SAMD3: variants seen among roughly 807,000 people sequenced by gnomAD.
SAMD3 encodes the protein sterile alpha motif domain-containing protein 3.
SAMD3 carries 63 observed loss-of-function variants against 58.5 expected under a neutral mutation model. The ratio of observed to expected loss-of-function variants is 1.08; its 90% CI spans 0.88 to 1.33. The LOEUF is 1.33. Among genes scored for constraint, SAMD3 ranks in the 40% most tolerant of loss-of-function variants. The pLI is 0.00. For synonymous variants in SAMD3, 220 were observed against 210.3 expected (o/e 1.05, Z -0.40); for missense variants, 604 against 608.4 (o/e 0.99, Z 0.08).
At chr6:130,197,819 A>C (rs536802550) in intron 5 of SAMD3, among the ~76,000 whole-genome samples, 1 of 152,294 alleles carries the variant, frequency 6.6e-6, no homozygotes, top group South Asian at 2.1e-4. Context: ...GAAGATAGGA[A>C]TATCAGGCCT....
At chr6:130,332,798 TG>T (rs1776974735) in intron 1 of SAMD3, among the ~76,000 whole-genome samples, 1 of 152,060 alleles carries the variant, frequency 6.6e-6, no homozygotes, top group Non-Finnish European at 1.5e-5. Context: ...AGAGGCTGTT[TG>T]TGGTTGTTTT....
chr6:130,285,733 G>A (rs1775133294), intron 2 of SAMD3, among the ~76,000 whole-genome samples: 1 of 152,202 alleles, frequency 6.6e-6, no homozygotes, highest in African/African-American at 2.4e-5. Flanking sequence ...TATGCCCAGT[G>A]ACAATTTTAA....
chr6:130,211,232 T>C (rs1795523217), intron 4 of SAMD3, among the ~76,000 whole-genome samples: 1 of 150,634 alleles, frequency 6.6e-6, no homozygotes, highest in African/African-American at 2.4e-5. Flanking sequence ...ACCCAGACAT[T>C]CCTTTCTATT....
chr6:130,322,727 C>T (rs1776628537), intron 1 of SAMD3, among the ~76,000 whole-genome samples: 1 of 152,234 alleles, frequency 6.6e-6, no homozygotes, highest in Admixed American at 6.5e-5. Context: ...AACAACCATT[C>T]ATGATATCAT....
chr6:130,188,768 T>G (rs1036620388), intron 5 of SAMD3, among the ~76,000 whole-genome samples: 1 of 152,192 alleles, frequency 6.6e-6, no homozygotes, highest in Admixed American at 6.5e-5. Flanking sequence ...ACCCCTTTTC[T>G]TCCTTAACTT....
intron 2 of SAMD3, among the ~76,000 whole-genome samples, chr6:130,298,246 A>C (rs571220686): frequency 1.3e-5 from 2 of 152,318 alleles, no homozygotes; most frequent in South Asian, 4.1e-4. Context: ...TCTTAAAGAA[A>C]AGAAAATGCT....
chr6:130,270,997 G>GA (rs1208334275), intron 2 of SAMD3, among the ~76,000 whole-genome samples: 7 of 57,060 alleles, frequency 1.2e-4, no homozygotes, highest in African/African-American at 6.3e-4. Context: ...TGTTTTTTTT[G>GA]TTTTTTTTTG....
chr6:130,346,725 A>G (rs893665292), intron 1 of SAMD3, among the ~76,000 whole-genome samples: 4 of 152,308 alleles, frequency 2.6e-5, no homozygotes, highest in Admixed American at 2.6e-4. Flanking sequence ...AGCTTTGAAG[A>G]GACTAGTGGT....
chr6:130,156,675 A>G (rs1195231320), intron 8 of SAMD3, among the ~76,000 whole-genome samples: 1 of 152,152 alleles, frequency 6.6e-6, no homozygotes, highest in Non-Finnish European at 1.5e-5. Flanking sequence ...AACGTGGTGT[A>G]TGAACAGTAT....
At chr6:130,340,060 T>C (rs1562530179) in intron 1 of SAMD3, among the ~76,000 whole-genome samples, 1 of 152,232 alleles carries the variant, frequency 6.6e-6, no homozygotes, top group Non-Finnish European at 1.5e-5. Flanking sequence ...TTACTGAGGT[T>C]AGGGACCATG....
intron 2 of SAMD3, among the ~76,000 whole-genome samples, chr6:130,256,699 T>C (rs566361391): frequency 3.9e-5 from 6 of 152,304 alleles, no homozygotes; most frequent in African/African-American, 1.4e-4. Context: ...CTAAGCTCTT[T>C]CTCCAATAAA....
At chr6:130,197,704 G>A (rs1015558879) in intron 5 of SAMD3, among the ~76,000 whole-genome samples, 7 of 152,060 alleles carry the variant, frequency 4.6e-5, no homozygotes, top group Admixed American at 2.0e-4. Context: ...CCCGCTCGAA[G>A]CAGCCCTGAG....
intron 1 of SAMD3, among the ~76,000 whole-genome samples, chr6:130,359,406 G>A (rs1401794103): frequency 6.6e-6 from 1 of 152,156 alleles, no homozygotes; most frequent in Non-Finnish European, 1.5e-5. Context: ...TTCTCTGAGT[G>A]CACAATACTG....
At chr6:130,340,523 AT>A (rs1157250045) in intron 1 of SAMD3, among the ~76,000 whole-genome samples, 1 of 152,182 alleles carries the variant, frequency 6.6e-6, no homozygotes, top group East Asian at 1.9e-4. Context: ...GTAATTCCCC[AT>A]TGCTATACAA....
At chr6:130,211,698 C>T (rs567391541) in intron 4 of SAMD3, among the ~76,000 whole-genome samples, 116 of 152,042 alleles carry the variant, frequency 7.6e-4, no homozygotes, top group African/African-American at 2.6e-3. Context: ...CTTATGTCTC[C>T]GTAAAATGTA....
At chr6:130,360,622 C>T (rs1777957402) in intron 1 of SAMD3, among the ~76,000 whole-genome samples, 1 of 152,172 alleles carries the variant, frequency 6.6e-6, no homozygotes, top group East Asian at 1.9e-4. Flanking sequence ...ATTAAAATTG[C>T]TAATGAAGTT....
chr6:130,361,562 T>G (rs1371455003), intron 1 of SAMD3, among the ~76,000 whole-genome samples: 1 of 152,190 alleles, frequency 6.6e-6, no homozygotes, highest in East Asian at 1.9e-4. Flanking sequence ...GCCAAGTAGT[T>G]TTGTTCTAAT....
At chr6:130,252,506 A>C (rs1583009086) in intron 2 of SAMD3, among the ~76,000 whole-genome samples, 1 of 152,198 alleles carries the variant, frequency 6.6e-6, no homozygotes, top group Admixed American at 6.5e-5. Context: ...CAAATAGCTC[A>C]CTGGGGGGTG....
At chr6:130,162,483 G>T (rs758151148) in intron 8 of SAMD3, among the ~76,000 whole-genome samples, 7 of 151,932 alleles carry the variant, frequency 4.6e-5, no homozygotes, top group African/African-American at 9.7e-5. Flanking sequence ...AGAGTATCTT[G>T]TTATGAAAAT....
Sources: allele counts gnomAD v4.1 joint callset (sites outside exome capture counted in the v4.1 genomes callset), GRCh38; gene constraint gnomAD v4.1.1; transcripts MANE v1.5; gene names NCBI Gene and HGNC (gene_info 2026-07-23, HGNC 2026-07-21).